The following RABGAP1L variants were observed in gnomAD, a reference collection of about 807,000 sequenced individuals.
RABGAP1L encodes the protein RAB GTPase activating protein 1 like.
Under a neutral mutation model 137.7 loss-of-function variants are expected in RABGAP1L, and 63 were observed. That is an observed-to-expected ratio of 0.46 (90% CI 0.37 to 0.56). The LOEUF is 0.56. Among genes scored for constraint, RABGAP1L ranks in the 20% least tolerant of loss-of-function variants. RABGAP1L has a pLI of 0.00. For missense variants in RABGAP1L, 1,095 were observed against 1,244.0 expected (o/e 0.88, Z 1.80); for synonymous variants, 431 against 433.7 (o/e 0.99, Z 0.08).
At chr1:174,634,965 A>G (rs1464745269) in intron 13 of RABGAP1L, among the ~76,000 whole-genome samples, 4 of 149,830 alleles carry the variant, frequency 2.7e-5, no homozygotes, top group Non-Finnish European at 5.9e-5. Flanking sequence ...GCGCACCAGC[A>G]TGGCACATGT....
At chr1:174,921,126 T>C (rs1661722873) in intron 19 of RABGAP1L, among the ~76,000 whole-genome samples, 2 of 152,202 alleles carry the variant, frequency 1.3e-5, no homozygotes, top group African/African-American at 4.8e-5. Flanking sequence ...GGTTTTACCA[T>C]GTTGGCCAGG....
intron 3 of RABGAP1L, among the ~76,000 whole-genome samples, chr1:174,230,508 T>G (rs1430853138): frequency 6.6e-6 from 1 of 152,148 alleles, no homozygotes; most frequent in Non-Finnish European, 1.5e-5. Flanking sequence ...ATAATTGACA[T>G]TGTGAGGATG....
At chr1:174,405,353 G>A (rs1230161748) in intron 13 of RABGAP1L, among the ~76,000 whole-genome samples, 1 of 152,028 alleles carries the variant, frequency 6.6e-6, no homozygotes, top group Non-Finnish European at 1.5e-5. Context: ...CTCAATACTA[G>A]ATTTTATTGA....
intron 13 of RABGAP1L, among the ~76,000 whole-genome samples, chr1:174,568,684 AGACT>A (rs1482167684): frequency 1.3e-5 from 2 of 152,158 alleles, no homozygotes; most frequent in South Asian, 2.1e-4. Flanking sequence ...TTTGAGAGAA[AGACT>A]GAGTGTGTGT....
intron 13 of RABGAP1L, among the ~76,000 whole-genome samples, chr1:174,588,405 TC>T (rs1251001620): frequency 1.3e-5 from 2 of 152,066 alleles, no homozygotes; most frequent in African/African-American, 4.8e-5. Flanking sequence ...CCTCAGGTGA[TC>T]CGCTTGGCTC....
Position 174,357,973 on chromosome 1 carries a change from C to T in RABGAP1L, c.1466-13006C>T, listed in dbSNP as rs1331976138. On this transcript the variant is annotated intron_variant, in intron 11 of 25. Coordinates refer to ENST00000681986, the MANE Select transcript of RABGAP1L (RefSeq NM_001366446.1). ...CACTCTCTAAGATAAGTACTGTTATCGTCCCCATGTTAGATACAGACAACT... is the reference window on the plus strand; with the variant it reads ...CACTCTCTAAGATAAGTACTGTTATTGTCCCCATGTTAGATACAGACAACT... Among the ~76,000 whole-genome samples the T allele has an allele frequency of 2.6e-5, 4 of 152,308 alleles. No individual in the cohort carries two copies. The East Asian group carries it at 5.8e-4, about 22-fold the overall frequency.
chr1:174,848,863 T>C (rs2148976239), intron 19 of RABGAP1L, among the ~76,000 whole-genome samples: 1 of 151,430 alleles, frequency 6.6e-6, no homozygotes, highest in South Asian at 2.1e-4. Flanking sequence ...CAGACTGCTG[T>C]GCTAGCAATC....
chr1:174,283,652 A>T (rs1235188014), intron 10 of RABGAP1L, among the ~76,000 whole-genome samples: 1 of 151,954 alleles, frequency 6.6e-6, no homozygotes, highest in African/African-American at 2.4e-5. Flanking sequence ...GACTACAGGT[A>T]CCCACCACCA....
rs575745363 is a variant in RABGAP1L, at chr1:174,227,890, G to T, written c.332-3255G>T. On this transcript the variant is annotated intron_variant, in intron 3 of 25. Transcript: ENST00000681986. ...TTGCTTTAGTCTGTTATATTTTGAA[G>T]AAATTAAAGAGCAAGGAATAGGTCT... is the stretch of plus-strand genomic sequence containing the variant. Among the ~76,000 whole-genome samples, 3 of 145,364 alleles carry T rather than the reference G, an allele frequency of 2.1e-5. No individual in the cohort carries two copies. The South Asian group carries it at 7.2e-4, about 35-fold the overall frequency.
At chr1:174,760,618 G>A (rs1362288536) in intron 18 of RABGAP1L, among the ~76,000 whole-genome samples, 1 of 152,190 alleles carries the variant, frequency 6.6e-6, no homozygotes, top group East Asian at 1.9e-4. Context: ...TGTGAATAGT[G>A]CTGCGATGAA....
chr1:174,550,983 C>CATATATATATACATGTAT (rs1422356201), intron 13 of RABGAP1L, among the ~76,000 whole-genome samples: 1 of 83,426 alleles, frequency 1.2e-5, no homozygotes, highest in Non-Finnish European at 2.0e-5. Context: ...TGTATATATA[C>CATATATATATACATGTAT]ATATATATAT....
intron 13 of RABGAP1L, among the ~76,000 whole-genome samples, chr1:174,615,478 T>A (rs577166208): frequency 4.1e-4 from 63 of 152,308 alleles, no homozygotes; most frequent in African/African-American, 1.4e-3. Context: ...GGTGTCGGTC[T>A]GCCCCTACTT....
At chr1:174,352,238 T>C (rs535660941) in intron 11 of RABGAP1L, among the ~76,000 whole-genome samples, 7 of 152,318 alleles carry the variant, frequency 4.6e-5, no homozygotes, top group African/African-American at 1.4e-4. Context: ...CTTGTAGTTA[T>C]GGTGCATTCT....
At chr1:174,370,463 CTTTTTTTTTTTT>C (rs1183875194) in intron 11 of RABGAP1L, among the ~76,000 whole-genome samples, 6 of 37,880 alleles carry the variant, frequency 1.6e-4, no homozygotes, top group East Asian at 1.9e-3. Context: ...TTAAAAATAC[CTTTTTTTTTTTT>C]TTTTTTTTTT....
At chr1:174,873,315 C>T (rs1174615958) in intron 19 of RABGAP1L, among the ~76,000 whole-genome samples, 3 of 151,910 alleles carry the variant, frequency 2.0e-5, no homozygotes, top group Non-Finnish European at 4.4e-5. Context: ...GTGATCCACC[C>T]GCCTCGGCCT....
At chr1:174,888,210 G>C (rs1266589427) in intron 19 of RABGAP1L, among the ~76,000 whole-genome samples, 1 of 152,044 alleles carries the variant, frequency 6.6e-6, no homozygotes, top group Non-Finnish European at 1.5e-5. Flanking sequence ...AAATATCTGT[G>C]GTATCTATAG....
At chr1:174,791,985 A>C (rs143031546) in intron 18 of RABGAP1L, among the ~76,000 whole-genome samples, 1 of 152,328 alleles carries the variant, frequency 6.6e-6, no homozygotes, top group Non-Finnish European at 1.5e-5. Context: ...TTCCACGTGG[A>C]ATAAAGTGGT....
intron 13 of RABGAP1L, among the ~76,000 whole-genome samples, chr1:174,550,895 T>TATATACATATACACAC (rs1456087584): frequency 2.0e-5 from 1 of 50,968 alleles, no homozygotes; most frequent in African/African-American, 9.7e-5. Flanking sequence ...TATATATATA[T>TATATACATATACACAC]ACACACACAC....
intron 13 of RABGAP1L, among the ~76,000 whole-genome samples, chr1:174,437,405 A>G (rs1176008100): frequency 1.3e-5 from 2 of 152,240 alleles, no homozygotes; most frequent in Admixed American, 6.5e-5. Context: ...CCATGGCACG[A>G]GAGCTATGTG....
Sources: gnomAD v4.1 joint callset for allele counts (sites outside exome capture counted in the v4.1 genomes callset) on GRCh38, gnomAD v4.1.1 for gene constraint, MANE v1.5 for transcripts, NCBI Gene and HGNC (gene_info 2026-07-23, HGNC 2026-07-21) for gene names.